The following CLEC16A variants were observed in gnomAD, a reference collection of about 807,000 sequenced individuals.
The protein encoded by CLEC16A is protein CLEC16A.
CLEC16A carries 51 observed loss-of-function variants against 109.5 expected under a neutral mutation model. That is an observed-to-expected ratio of 0.47 (90% CI 0.37 to 0.59). The LOEUF (loss-of-function observed/expected upper bound fraction) is 0.59. Among genes scored for constraint, CLEC16A ranks in the 20% least tolerant of loss-of-function variants. CLEC16A has a pLI of 0.00. For missense variants in CLEC16A, 1,339 were observed against 1,394.0 expected, an observed-to-expected ratio of 0.96 and a Z score of 0.63; for synonymous variants, 673 against 564.2, an observed-to-expected ratio of 1.19 and a Z score of -2.73.
At chr16:11,149,694 C>A (rs950104431) in intron 22 of CLEC16A, among the ~76,000 whole-genome samples, 1 of 151,754 alleles carries the variant, frequency 6.6e-6, no homozygotes, top group African/African-American at 2.4e-5. Context: ...GAAGCTGAGA[C>A]ATGAGAATGG....
chr16:11,166,443 G>T lies in CLEC16A; in HGVS notation c.2697G>T (p.Gln899His). 6.2e-7 allele frequency: 1 copy of T among 1,607,396 alleles called. No individual in the cohort carries two copies. Residue 899 changes from glutamine (Q) to histidine (H), a missense_variant, in exon 23 of 24, where the codon CAG becomes CAT. By Grantham distance (24) the Gln-to-His change is conservative (BLOSUM62 0). Coordinates refer to ENST00000409790, the MANE Select transcript of CLEC16A (RefSeq NM_015226.3). ...NQHSSPSLSSQSPPSASGSPS... is the reference protein window; with the variant it reads ...NQHSSPSLSSHSPPSASGSPS... Reference sequence around the variant, plus strand: ...ACAGCTCCCCGTCCCTGTCCTCACAGTCGCCACCCTCCGCCAGCGGGAGCC... The same window carrying T: ...ACAGCTCCCCGTCCCTGTCCTCACATTCGCCACCCTCCGCCAGCGGGAGCC...
chr16:11,123,894 C>A lies in CLEC16A; in HGVS notation c.2421C>A (p.Arg807=). The change falls in exon 21 of 24, where the codon CGC becomes CGA. Residue 807 remains arginine (R), a synonymous_variant. Coordinates refer to ENST00000409790, the MANE Select transcript of CLEC16A (RefSeq NM_015226.3). ...DHIRCIIAKQ[R]LAKGRIQARR... ...TCCGCTGCATCATCGCCAAGCAGCG[C>A]CTGGCCAAAGGCCGCATCCAGGCAA... 1 of 1,613,922 alleles carries A rather than the reference C, an allele frequency of 6.2e-7. No homozygotes were observed. Among genetic ancestry groups the A allele is most frequent in the Non-Finnish European group, 8.5e-7 (1 of 1,179,888 alleles).
Position 10,962,504 on chromosome 16 carries a change from C to G in CLEC16A, c.259C>G (p.Gln87Glu). ...TGTTTTCTTCTTGAACATCTTGCGGCAAAAGTCGGGCCGTTACGTGTGCGT... is the reference window on the plus strand; with the variant it reads ...TGTTTTCTTCTTGAACATCTTGCGGGAAAAGTCGGGCCGTTACGTGTGCGT... ...MFVFFLNILR[Q>E]KSGRYVCVQL... is the part of the protein sequence containing the mutation. The change falls in exon 3 of 24, where the codon CAA becomes GAA. Residue 87 changes from glutamine (Q) to glutamate (E), a missense_variant. Physicochemically the swap from Gln to Glu is conservative, Grantham distance 29. Around this residue, in one of 3 missense-constraint regions of CLEC16A, gnomAD observed 117 missense variants for 120.2 expected, o/e 0.97. Transcript: ENST00000409790. The G allele has an allele frequency of 6.2e-7, 1 of 1,613,916 alleles. No homozygotes were observed. Among genetic ancestry groups the G allele is most frequent in the Non-Finnish European group, 8.5e-7 (1 of 1,179,864 alleles).
chr16:11,112,825 G>A (rs1299508740), intron 19 of CLEC16A, among the ~76,000 whole-genome samples: 1 of 152,246 alleles, frequency 6.6e-6, no homozygotes, highest in African/African-American at 2.4e-5. Flanking sequence ...TCAGGGTCCT[G>A]GGTAAGATGG....
In CLEC16A at chr16:11,042,381, C is replaced by A; in HGVS notation, c.1770+18C>A. The A allele has an allele frequency of 1.3e-6, 2 of 1,541,074 alleles. No homozygotes were observed. Among genetic ancestry groups the A allele is most frequent in the South Asian group, 1.2e-5 (1 of 84,342 alleles). ...GCCTGGAGGTAACGCCCTCTCCGCT[C>A]CTCCTTCCTGTGGGCCAAGGGAGAG... On this transcript the variant is annotated intron_variant, in intron 15 of 23. Coordinates refer to ENST00000409790, the MANE Select transcript of CLEC16A (RefSeq NM_015226.3).
chr16:11,086,075 T>C (rs532739507), intron 19 of CLEC16A, among the ~76,000 whole-genome samples: 2 of 152,232 alleles, frequency 1.3e-5, no homozygotes, highest in African/African-American at 4.8e-5. Flanking sequence ...GCAGAGCCAC[T>C]GTTTGTTGAA....
intron 13 of CLEC16A, among the ~76,000 whole-genome samples, chr16:11,033,660 C>G (rs1226369274): frequency 6.6e-6 from 1 of 152,188 alleles, no homozygotes; most frequent in East Asian, 1.9e-4. Context: ...CCCAAGTGAC[C>G]TGGTCTCTTT....
chr16:11,043,368 C>T (rs577198784), intron 15 of CLEC16A, among the ~76,000 whole-genome samples: 273 of 152,272 alleles, frequency 1.8e-3, no homozygotes, highest in Non-Finnish European at 2.8e-3. Flanking sequence ...TATGATTGTA[C>T]CACCGCACTC....
intron 22 of CLEC16A, among the ~76,000 whole-genome samples, chr16:11,152,339 G>C (rs542510752): frequency 2.0e-5 from 3 of 152,344 alleles, no homozygotes; most frequent in African/African-American, 7.2e-5. Context: ...CGGGCGGCTG[G>C]TGTCTGCATG....
chr16:10,978,260 G>C (rs772908624), intron 8 of CLEC16A, among the ~76,000 whole-genome samples: 34 of 152,296 alleles, frequency 2.2e-4, no homozygotes, highest in Admixed American at 2.0e-4. Flanking sequence ...ATTCTGTGCT[G>C]CTGGTTCTCA....
At chr16:10,984,540 ACT>A (rs536251345) in intron 10 of CLEC16A, among the ~76,000 whole-genome samples, 232 of 152,280 alleles carry the variant, frequency 1.5e-3, no homozygotes, top group African/African-American at 5.2e-3. Flanking sequence ...CAAATAACTC[ACT>A]GTCTTAACTC....
chr16:11,051,784 C>T (rs760319273), intron 18 of CLEC16A, 143 bp downstream of exon 18: 16 of 1,100,488 alleles, frequency 1.5e-5, no homozygotes, highest in Admixed American at 5.4e-5. Context: ...ACCCATTTGC[C>T]CCCAGGCATG....
chr16:11,034,962 C>T (rs556957278), intron 13 of CLEC16A, among the ~76,000 whole-genome samples: 2 of 151,990 alleles, frequency 1.3e-5, no homozygotes, highest in African/African-American at 2.4e-5. Flanking sequence ...TCCTTGCACA[C>T]AGGAGCCGTC....
At chr16:11,175,162 C>T (rs568748752) in intron 23 of CLEC16A, among the ~76,000 whole-genome samples, 1 of 152,304 alleles carries the variant, frequency 6.6e-6, no homozygotes, top group South Asian at 2.1e-4. Flanking sequence ...TCACCATTTG[C>T]TTGACAAGGA....
chr16:11,174,446 C>A lies in CLEC16A; in HGVS notation c.2807-3889C>A, dbSNP rs76548952. 2.9e-3 allele frequency among the ~76,000 whole-genome samples: 447 copies of A among 152,376 alleles called. 1 individual carries two copies. The highest frequency in any genetic ancestry group is 5.6e-3 in the Non-Finnish European group (378 of 68,034). ...CCCCCAAAGTTGGTTCTCCCTGCTC[C>A]CTGTCTGGCCTCACCTCATGTGAAG... On this transcript the variant is annotated intron_variant, in intron 23 of 23. Transcript: ENST00000409790. The surrounding 1 kb of genome is among the most constrained non-coding windows in gnomAD (Gnocchi z 4.7).
At chr16:11,000,393 C>G (rs963371122) in intron 10 of CLEC16A, among the ~76,000 whole-genome samples, 1 of 152,186 alleles carries the variant, frequency 6.6e-6, no homozygotes, top group African/African-American at 2.4e-5. Context: ...TAATTTCAAA[C>G]TAGGGGACGT....
At chr16:11,135,911 T>C (rs1266712428) in intron 22 of CLEC16A, among the ~76,000 whole-genome samples, 1 of 152,246 alleles carries the variant, frequency 6.6e-6, no homozygotes, top group East Asian at 1.9e-4. Flanking sequence ...TCCAGCCTCC[T>C]AGTCAAGCAC....
At chr16:11,160,589 C>T (rs2087782366) in intron 22 of CLEC16A, among the ~76,000 whole-genome samples, 1 of 152,012 alleles carries the variant, frequency 6.6e-6, no homozygotes, top group South Asian at 2.1e-4. Flanking sequence ...GCACCAAAAA[C>T]TCTGGGAGCC....
intron 23 of CLEC16A, among the ~76,000 whole-genome samples, chr16:11,169,955 C>T (rs2140976426): frequency 6.6e-6 from 1 of 152,288 alleles, no homozygotes; most frequent in African/African-American, 2.4e-5. Context: ...CTCCGCCTCA[C>T]ATTGTACAGT....
Sources: allele counts gnomAD v4.1 joint callset (sites outside exome capture counted in the v4.1 genomes callset), GRCh38; gene constraint gnomAD v4.1.1; regional missense constraint gnomAD v4.1.1; non-coding constraint Gnocchi (gnomAD v3.1); transcripts MANE v1.5; gene names NCBI Gene and HGNC (gene_info 2026-07-23, HGNC 2026-07-21).